The following ARPP19 variants were observed in gnomAD, a reference collection of about 807,000 sequenced individuals.
ARPP19 encodes the protein cAMP-regulated phosphoprotein 19.
Under a neutral mutation model 12.0 loss-of-function variants are expected in ARPP19, and 8 were observed. The ratio of observed to expected loss-of-function variants is 0.67; its 90% CI spans 0.39 to 1.21. The LOEUF is 1.21. Ranked by LOEUF, ARPP19 falls within the 50% of genes most tolerant of loss-of-function variation. The probability of loss-of-function intolerance (pLI) is 0.01; values close to 1 mark genes in which losing one functional copy is unlikely to be tolerated. For synonymous variants in ARPP19, 47 were observed against 50.4 expected (o/e 0.93, Z 0.29); for missense variants, 102 against 136.3 (o/e 0.75, Z 1.25).
chr15:52,564,133 T>G, intron 1 of ARPP19: 1 of 1,247,432 alleles, frequency 8.0e-7, no homozygotes, highest in Non-Finnish European at 1.1e-6. Context: ...CAAACTGTTG[T>G]ATCGCAAACT....
chr15:52,564,313 T>C, intron 1 of ARPP19: 1 of 1,205,160 alleles, frequency 8.3e-7, no homozygotes, highest in East Asian at 2.5e-5. Context: ...ACTTGGAGGC[T>C]GAGGTGGGAG....
At position 52,551,106 on chromosome 15, in the gene ARPP19, G is replaced by T. The variant is rs1272014120; in HGVS notation, c.*828C>A. 1.3e-5 allele frequency: 2 copies of T among 152,680 alleles called. No individual in the cohort carries two copies. Among genetic ancestry groups the T allele is most frequent in the Non-Finnish European group, 2.9e-5 (2 of 68,044 alleles). The allele number at this position is 152,680 out of a possible 1,614,324, so 9.5% of individuals were successfully genotyped here. A position where few individuals can be genotyped will look rare whatever the true frequency, so the allele number is the denominator to read the frequency against. ...TATACAAAAGCTATAATGATTTACAGAGTTTTGTGTAGGAACTCTTGTGCT... is the reference window on the plus strand; with the variant it reads ...TATACAAAAGCTATAATGATTTACATAGTTTTGTGTAGGAACTCTTGTGCT... On this transcript the variant is annotated 3_prime_UTR_variant, in exon 3 of 3. Transcript: ENST00000249822.
intron 1 of ARPP19, 195 bp downstream of exon 1, chr15:52,568,653 C>T: frequency 6.2e-6 from 3 of 482,228 alleles, no homozygotes; most frequent in Non-Finnish European, 3.6e-6. Context: ...TCGGAGTAAA[C>T]GCGGGGCACG....
chr15:52,557,216 C>A lies in ARPP19; in HGVS notation c.52G>T (p.Glu18Ter). 1 of 1,593,946 alleles carries A rather than the reference C, an allele frequency of 6.3e-7. No homozygotes were observed. The highest frequency in any genetic ancestry group is 8.6e-7 in the Non-Finnish European group (1 of 1,166,312). Residue 18 changes from glutamate (E) to a stop codon, truncating the protein, a stop_gained, in exon 2 of 3, where the codon GAA becomes TAA. Transcript: ENST00000249822. LOFTEE classifies it high-confidence loss of function. The stretch of plus-strand genomic sequence containing the variant: ...TTCTCTGGACTAGTCACTTTATCTT[C>A]CATTTCCTAAAATAATTTCAAATAA... ...AASAEEQKEMEDKVTSPEKAE... is the reference protein window; with the variant it reads ...AASAEEQKEM
chr15:52,564,213 G>C (rs2078060689), intron 1 of ARPP19: 14 of 1,534,608 alleles, frequency 9.1e-6, no homozygotes, highest in Non-Finnish European at 1.2e-5. Flanking sequence ...GGAATCGATG[G>C]TTGCAGAGAC....
rs1357544711 is a variant in ARPP19, at chr15:52,547,513, T to C, written c.*4421A>G. The stretch of plus-strand genomic sequence containing the variant: ...ACTGCGATTTAGTTGAAAAATAACA[T>C]AATACAAACATATATTAATGGCTAT... On this transcript the variant is annotated 3_prime_UTR_variant, in exon 3 of 3. Transcript: ENST00000249822. 1 of 152,174 alleles carries C rather than the reference T, an allele frequency of 6.6e-6. No individual in the cohort carries two copies. Among genetic ancestry groups the C allele is most frequent in the Admixed American group, 6.5e-5 (1 of 15,286 alleles). 9.4% of individuals were successfully genotyped at this position (152,174 alleles called of 1,614,324 possible). A position where few individuals can be genotyped will look rare whatever the true frequency, so the allele number is the denominator to read the frequency against.
Position 52,550,899 on chromosome 15 carries a change from T to C in ARPP19, c.*1035A>G, listed in dbSNP as rs896574172. On this transcript the variant is annotated 3_prime_UTR_variant, in exon 3 of 3. Coordinates refer to ENST00000249822, the MANE Select transcript of ARPP19 (RefSeq NM_006628.6). ...TAAATTACATGAATTGCAACTTTCA[T>C]AAAAATCAAAATGAAAGGTTCTGCA... The C allele has an allele frequency of 6.6e-6, 1 of 152,668 alleles. No homozygotes were observed. The highest frequency in any genetic ancestry group is 2.4e-5 in the African/African-American group (1 of 41,472). The allele number at this position is 152,668 out of a possible 1,614,324, so 9.5% of individuals were successfully genotyped here.
At position 52,548,592 on chromosome 15, in the gene ARPP19, G is replaced by C. The variant is rs2077900674; in HGVS notation, c.*3342C>G. The C allele has an allele frequency of 6.6e-6, 1 of 152,440 alleles. No homozygotes were observed. Among genetic ancestry groups the C allele is most frequent in the African/African-American group, 2.4e-5 (1 of 41,410 alleles). 9.4% of individuals were successfully genotyped at this position (152,440 alleles called of 1,614,324 possible). Reference sequence around the variant, plus strand: ...GGGATGTGAATCACCCCTTTGTCCTGCTTATCCACACTGTATACTACCTGC... The same window carrying C: ...GGGATGTGAATCACCCCTTTGTCCTCCTTATCCACACTGTATACTACCTGC... On this transcript the variant is annotated 3_prime_UTR_variant, in exon 3 of 3. Transcript: ENST00000249822.
chr15:52,563,065 AG>A (rs974839175), intron 1 of ARPP19, among the ~76,000 whole-genome samples: 2 of 151,904 alleles, frequency 1.3e-5, no homozygotes, highest in Non-Finnish European at 2.9e-5. Context: ...TAGTACAGAC[AG>A]GGTTTCACCA....
chr15:52,568,629 A>G, intron 1 of ARPP19: 1 of 463,792 alleles, frequency 2.2e-6, no homozygotes, highest in African/African-American at 2.1e-5. Context: ...CGGAGGTGTT[A>G]CAAAAGGCAC....
At chr15:52,555,648 G>C (rs1010794411) in intron 2 of ARPP19, among the ~76,000 whole-genome samples, 2 of 151,926 alleles carry the variant, frequency 1.3e-5, no homozygotes, top group African/African-American at 4.8e-5. Flanking sequence ...TAATAAATAA[G>C]AGATTATTGA....
rs1488322652 is a variant in ARPP19, at chr15:52,549,003, T to C, written c.*2931A>G. Reference sequence around the variant, plus strand: ...AACTTGTATGCTACAAACATGCCGCTTCCACTCATCGAAACAAGCCAATAA... The same window carrying C: ...AACTTGTATGCTACAAACATGCCGCCTCCACTCATCGAAACAAGCCAATAA... On this transcript the variant is annotated 3_prime_UTR_variant, in exon 3 of 3. Coordinates refer to ENST00000249822, the MANE Select transcript of ARPP19 (RefSeq NM_006628.6). The C allele has an allele frequency of 1.3e-5, 2 of 152,498 alleles. No individual in the cohort carries two copies. The highest frequency in any genetic ancestry group is 2.9e-5 in the Non-Finnish European group (2 of 68,032). The allele number at this position is 152,498 out of a possible 1,614,324, so 9.4% of individuals were successfully genotyped here.
intron 1 of ARPP19, among the ~76,000 whole-genome samples, chr15:52,559,421 GCCTATTA>G (rs2078012332): frequency 6.6e-6 from 1 of 152,104 alleles, no homozygotes; most frequent in Non-Finnish European, 1.5e-5. Flanking sequence ...TACAATACAA[GCCTATTA>G]CCTTAGCTAG....
Position 52,549,284 on chromosome 15 carries a change from T to C in ARPP19, c.*2650A>G, listed in dbSNP as rs1261157746. 6.6e-6 allele frequency: 1 copy of C among 152,260 alleles called. No homozygotes were observed. 9.4% of individuals were successfully genotyped at this position (152,260 alleles called of 1,614,324 possible). A position where few individuals can be genotyped will look rare whatever the true frequency, so the allele number is the denominator to read the frequency against. On this transcript the variant is annotated 3_prime_UTR_variant, in exon 3 of 3. Coordinates refer to ENST00000249822, the MANE Select transcript of ARPP19 (RefSeq NM_006628.6). ...GTAAGAAATGGACAATTAAGCTCAC[T>C]AGTCAAAATCTTGATTCAAGTGATG...
intron 1 of ARPP19, among the ~76,000 whole-genome samples, chr15:52,568,071 T>C (rs986987682): frequency 1.3e-5 from 2 of 152,222 alleles, no homozygotes; most frequent in East Asian, 3.8e-4. Context: ...TTGATATTCA[T>C]AATTTGAACC....
upstream of ARPP19, chr15:52,569,316 A>G (rs1018774003): frequency 1.3e-5 from 3 of 228,608 alleles, no homozygotes; most frequent in Admixed American, 6.4e-5. Context: ...TACTCTTTCC[A>G]CTTACCCATC....
At chr15:52,560,126 T>G (rs1595865217) in intron 1 of ARPP19, among the ~76,000 whole-genome samples, 2 of 152,194 alleles carry the variant, frequency 1.3e-5, no homozygotes, top group East Asian at 3.8e-4. Context: ...TTCCTCCATT[T>G]GATATATAAA....
intron 1 of ARPP19, 128 bp from the exon 2 acceptor site, chr15:52,557,350 C>G: frequency 2.7e-6 from 2 of 733,542 alleles, no homozygotes; most frequent in African/African-American, 1.8e-5. Flanking sequence ...ACTAAGAAAT[C>G]AAACCCAGAA....
chr15:52,559,738 T>C (rs1361287272), intron 1 of ARPP19, among the ~76,000 whole-genome samples: 1 of 152,216 alleles, frequency 6.6e-6, no homozygotes, highest in Non-Finnish European at 1.5e-5. Flanking sequence ...ACAGCTTCGA[T>C]GTGGCTCAGC....
Sources: gnomAD v4.1 joint callset for allele counts (sites outside exome capture counted in the v4.1 genomes callset) on GRCh38, gnomAD v4.1.1 for gene constraint, MANE v1.5 for transcripts, NCBI Gene and HGNC (gene_info 2026-07-23, HGNC 2026-07-21) for gene names.